The following NEGR1 variants were observed in gnomAD, a reference collection of about 807,000 sequenced individuals.
NEGR1 encodes the protein IgLON family member 4.
NEGR1 carries 10 observed loss-of-function variants against 40.9 expected under a neutral mutation model. That is an observed-to-expected ratio of 0.24 (90% confidence interval 0.15 to 0.42). The LOEUF (loss-of-function observed/expected upper bound fraction) is 0.42. Ranked by LOEUF, NEGR1 falls within the 10% of genes least tolerant of loss-of-function variation. NEGR1 has a pLI of 1.00. For missense variants in NEGR1, 352 were observed against 438.9 expected (o/e 0.80, Z 1.77); for synonymous variants, 185 against 166.8 (o/e 1.11, Z -0.84).
At chr1:71,827,355 C>T (rs1464590549) in intron 2 of NEGR1, among the ~76,000 whole-genome samples, 1 of 151,878 alleles carries the variant, frequency 6.6e-6, no homozygotes. Context: ...GACTAGCTTT[C>T]CATTTGCCAA....
intron 1 of NEGR1, among the ~76,000 whole-genome samples, chr1:72,041,990 ACT>A (rs1484988494): frequency 6.9e-6 from 1 of 145,456 alleles, no homozygotes; most frequent in African/African-American, 2.5e-5. Flanking sequence ...CATATTTGAG[ACT>A]CTCAAATATA....
chr1:71,662,427 G>A (rs554710604), intron 4 of NEGR1, among the ~76,000 whole-genome samples: 3 of 152,082 alleles, frequency 2.0e-5, no homozygotes, highest in Admixed American at 6.6e-5. Flanking sequence ...TCCTCCCTTT[G>A]TTGTAAACTT....
intron 3 of NEGR1, among the ~76,000 whole-genome samples, chr1:71,700,503 G>T (rs558886743): frequency 6.6e-6 from 1 of 151,986 alleles, no homozygotes; most frequent in South Asian, 2.1e-4. Context: ...ACTTATATCA[G>T]TTGTCTATGG....
chr1:72,231,594 C>T (rs1402576765), intron 1 of NEGR1, among the ~76,000 whole-genome samples: 1 of 152,134 alleles, frequency 6.6e-6, no homozygotes. Flanking sequence ...CCCACGTTGA[C>T]ATGTGATTAA....
intron 2 of NEGR1, among the ~76,000 whole-genome samples, chr1:71,806,970 G>A (rs529338749): frequency 3.6e-5 from 5 of 137,306 alleles, no homozygotes; most frequent in South Asian, 2.5e-4. Context: ...TCCGCTTACC[G>A]CAAGCTCCAC....
intron 6 of NEGR1, among the ~76,000 whole-genome samples, chr1:71,500,987 T>C (rs1003762989): frequency 1.3e-5 from 2 of 152,150 alleles, no homozygotes; most frequent in African/African-American, 4.8e-5. Context: ...GCCAACTGTA[T>C]GTTTAAACAT....
chr1:71,447,550 T>C (rs1161809345), intron 6 of NEGR1, among the ~76,000 whole-genome samples: 1 of 152,220 alleles, frequency 6.6e-6, no homozygotes, highest in Non-Finnish European at 1.5e-5. Flanking sequence ...AGAGTGACTT[T>C]ACCCTGATCT....
chr1:71,803,160 T>A (rs72678961), intron 2 of NEGR1, among the ~76,000 whole-genome samples: 9,749 of 152,154 alleles, frequency 0.064, 348 homozygotes, highest in Non-Finnish European at 0.081. Context: ...GTCATCTTGG[T>A]TGGCCCCTAA....
chr1:71,527,843 C>A (rs1647240587), intron 6 of NEGR1, among the ~76,000 whole-genome samples: 1 of 151,146 alleles, frequency 6.6e-6, no homozygotes, highest in Admixed American at 6.6e-5. Context: ...TTAGAAACCT[C>A]TATTATCTAT....
chr1:71,417,836 T>C (rs1160406882), intron 6 of NEGR1, among the ~76,000 whole-genome samples: 1 of 152,180 alleles, frequency 6.6e-6, no homozygotes, highest in East Asian at 1.9e-4. Context: ...AGTACCAATG[T>C]AAGCCCTACC....
chr1:71,906,113 T>C (rs1008044186), intron 2 of NEGR1, among the ~76,000 whole-genome samples: 1 of 152,154 alleles, frequency 6.6e-6, no homozygotes, highest in African/African-American at 2.4e-5. Flanking sequence ...CTCATGCTGC[T>C]AAAACGGAGC....
At chr1:71,715,607 T>C (rs1654246597) in intron 3 of NEGR1, among the ~76,000 whole-genome samples, 1 of 152,180 alleles carries the variant, frequency 6.6e-6, no homozygotes, top group South Asian at 2.1e-4. Flanking sequence ...CTTCTTCTGC[T>C]AGATACCTTA....
chr1:71,805,581 A>G (rs531071), intron 2 of NEGR1, among the ~76,000 whole-genome samples: 53,419 of 152,120 alleles, frequency 0.35, 10,549 homozygotes, highest in Middle Eastern at 0.5. Context: ...TATCACTTTC[A>G]AGGATAGTAA....
At chr1:71,523,648 C>A (rs7354941) in intron 6 of NEGR1, among the ~76,000 whole-genome samples, 6,123 of 151,846 alleles carry the variant, frequency 0.04, 406 homozygotes, top group African/African-American at 0.14. Context: ...CTGGATTTAG[C>A]GATTTATATG....
At chr1:71,895,837 A>G (rs1053609183) in intron 2 of NEGR1, among the ~76,000 whole-genome samples, 1 of 152,150 alleles carries the variant, frequency 6.6e-6, no homozygotes, top group African/African-American at 2.4e-5. Flanking sequence ...TGAATTATAT[A>G]GTAACTGTGT....
chr1:71,562,434 C>A (rs1212591840), intron 6 of NEGR1, among the ~76,000 whole-genome samples: 1 of 151,608 alleles, frequency 6.6e-6, no homozygotes, highest in African/African-American at 2.4e-5. Context: ...CCCCGTCACA[C>A]TCTTGACAAA....
At chr1:71,887,643 T>C (rs1405761410) in intron 2 of NEGR1, among the ~76,000 whole-genome samples, 1 of 152,180 alleles carries the variant, frequency 6.6e-6, no homozygotes, top group Non-Finnish European at 1.5e-5. Flanking sequence ...TTTCCTTTTG[T>C]TGGGAGTGTT....
intron 4 of NEGR1, among the ~76,000 whole-genome samples, chr1:71,694,050 C>G (rs1287282280): frequency 6.6e-6 from 1 of 151,444 alleles, no homozygotes; most frequent in East Asian, 1.9e-4. Context: ...TTTTGTTTTT[C>G]AATTCACTTG....
At chr1:71,828,614 T>G (rs1658727605) in intron 2 of NEGR1, among the ~76,000 whole-genome samples, 1 of 151,922 alleles carries the variant, frequency 6.6e-6, no homozygotes, top group African/African-American at 2.4e-5. Flanking sequence ...TTCACTCTTC[T>G]AATGAGTATG....
Sources: allele counts gnomAD v4.1 joint callset (sites outside exome capture counted in the v4.1 genomes callset), GRCh38; gene constraint gnomAD v4.1.1; transcripts MANE v1.5; gene names NCBI Gene and HGNC (gene_info 2026-07-23, HGNC 2026-07-21).